The following DNAH9 variants were observed in gnomAD, a reference collection of about 807,000 sequenced individuals.
DNAH9 encodes dynein axonemal heavy chain 9, also known as DNAH9 variant protein.
A neutral mutation model predicts 471.6 loss-of-function variants in DNAH9; 345 were observed. The observed-to-expected ratio is 0.73, with a 90% CI of 0.67 to 0.80. DNAH9 has a LOEUF of 0.80. Among genes scored for constraint, DNAH9 ranks in the 30% least tolerant of loss-of-function variants. DNAH9 has a pLI of 0.00. For synonymous variants in DNAH9, 2,093 were observed against 2,123.6 expected (o/e 0.99, Z 0.40); for missense variants, 5,407 against 5,609.2 (o/e 0.96, Z 1.15).
At chr17:11,701,311 A>G (rs758067822) in intron 24 of DNAH9, 64 bp downstream of exon 24, 9 of 1,553,274 alleles carry the variant, frequency 5.8e-6, no homozygotes, top group Non-Finnish European at 7.9e-6. Flanking sequence ...AGCCTCCCCC[A>G]GCCTTCAGCA....
chr17:11,698,237 TATTATATAATATATTAATATATAATA>T (rs1241668261), intron 22 of DNAH9, among the ~76,000 whole-genome samples: 28 of 63,978 alleles, frequency 4.4e-4, no homozygotes, highest in Admixed American at 7.9e-4. Context: ...AATAGCAATA[TATTATATAATATATTAATATATAATA>T]ATTATATAAT....
chr17:11,699,118 A>G (rs569666244), intron 22 of DNAH9, among the ~76,000 whole-genome samples: 2 of 151,782 alleles, frequency 1.3e-5, no homozygotes, highest in South Asian at 2.1e-4. Context: ...GCATGGTGGC[A>G]CACACCTGTA....
chr17:11,749,896 A>T (rs1018495562), intron 32 of DNAH9, among the ~76,000 whole-genome samples: 1 of 152,142 alleles, frequency 6.6e-6, no homozygotes, highest in African/African-American at 2.4e-5. Context: ...AACATATTTT[A>T]ATATCCAATG....
chr17:11,660,323 T>A, intron 14 of DNAH9, among the ~76,000 whole-genome samples: 1 of 115,520 alleles, frequency 8.7e-6, no homozygotes, highest in African/African-American at 2.8e-5. Flanking sequence ...ATGTTTCTTT[T>A]TTTTTTTTTT....
intron 38 of DNAH9, among the ~76,000 whole-genome samples, chr17:11,773,477 A>C (rs1440473944): frequency 6.6e-6 from 1 of 152,224 alleles, no homozygotes; most frequent in East Asian, 1.9e-4. Flanking sequence ...CAGTATATAT[A>C]GCATGCTCCA....
intron 67 of DNAH9, among the ~76,000 whole-genome samples, chr17:11,952,972 C>A (rs1975446796): frequency 6.6e-6 from 1 of 152,130 alleles, no homozygotes. Flanking sequence ...TCTGTGTCCT[C>A]AAATGGCAGG....
intron 66 of DNAH9, among the ~76,000 whole-genome samples, chr17:11,941,603 G>T (rs1974909158): frequency 6.6e-6 from 1 of 152,102 alleles, no homozygotes; most frequent in African/African-American, 2.4e-5. Flanking sequence ...ACAACAGGAG[G>T]TTTACATGAT....
intron 67 of DNAH9, among the ~76,000 whole-genome samples, chr17:11,945,577 T>G (rs1319408320): frequency 2.0e-5 from 3 of 150,112 alleles, no homozygotes; most frequent in Non-Finnish European, 3.0e-5. Context: ...CTGGGACTGT[T>G]GGAGCTAAAC....
intron 44 of DNAH9, 21 bp from the exon 45 acceptor site, chr17:11,810,225 T>G (rs1373938172): frequency 6.3e-7 from 1 of 1,595,488 alleles, no homozygotes; most frequent in East Asian, 2.3e-5. Flanking sequence ...CAGAGATTTC[T>G]GATATTGACC....
chr17:11,875,081 T>G lies in DNAH9; in HGVS notation c.10375T>G (p.Cys3459Gly). ...GGAGAATGCCACCATTCTCATCAAC[T>G]GTGAGCGCTGGCCACTCATGGTTGA... ...SVENATILIN[C>G]ERWPLMVDPQ... is the part of the protein sequence containing the mutation. Residue 3459 changes from cysteine to glycine, a missense_variant, in exon 53 of 69, where the codon TGT (cysteine) becomes GGT (glycine). Physicochemically the swap from Cys to Gly is radical, Grantham distance 159. Coordinates refer to ENST00000262442, the MANE Select transcript of DNAH9 (RefSeq NM_001372.4). 1 of 1,614,146 alleles carries G rather than the reference T, an allele frequency of 6.2e-7. No individual in the cohort carries two copies. The highest frequency in any genetic ancestry group is 8.5e-7 in the Non-Finnish European group (1 of 1,180,030).
In DNAH9 at chr17:11,781,131, C is replaced by G. The variant is rs773349173; in HGVS notation, c.7675C>G (p.Gln2559Glu). 1.2e-5 allele frequency: 20 copies of G among 1,614,148 alleles called. No individual in the cohort carries two copies. Among genetic ancestry groups the G allele is most frequent in the Non-Finnish European group, 1.6e-5 (19 of 1,180,028 alleles). ...MPEVDAYGTV[Q>E]PHTIIRQHLD... is the part of the protein sequence containing the mutation. The stretch of plus-strand genomic sequence containing the variant: ...TGAGGTGGATGCCTACGGGACGGTG[C>G]AGCCCCACACCATCATCCGGCAGCA... Residue 2559 changes from glutamine to glutamate, a missense_variant, in exon 39 of 69, where the codon CAG becomes GAG. Gln to Glu is a conservative substitution (Grantham distance 29). This residue lies in a region of DNAH9 where 4,636 missense variants were observed against 4,900.3 expected (regional missense o/e 0.95). Coordinates refer to ENST00000262442, the MANE Select transcript of DNAH9 (RefSeq NM_001372.4).
In DNAH9 at chr17:11,771,790, A is replaced by ACT. The variant is rs1403955610; in HGVS notation, c.7552+2461_7552+2462insCT. ...CTGTTACAACTACACTACTACTACT[A>ACT]ATAATAATAATAATAGCAACAACAA... On this transcript the variant is annotated intron_variant, in intron 38 of 68. Transcript: ENST00000262442. Among the ~76,000 whole-genome samples the ACT allele has an allele frequency of 5.9e-4, 89 of 150,036 alleles. 1 individual carries two copies. Among genetic ancestry groups the ACT allele is most frequent in the Middle Eastern group, 6.8e-3 (2 of 292 alleles).
intron 43 of DNAH9, among the ~76,000 whole-genome samples, chr17:11,803,384 G>GTA (rs1245774368): frequency 7.2e-6 from 1 of 138,166 alleles, no homozygotes; most frequent in Non-Finnish European, 1.5e-5. Flanking sequence ...CTAGGGGTGT[G>GTA]TGTGTGTGTG....
chr17:11,835,022 C>A, intron 49 of DNAH9, 124 bp downstream of exon 49: 1 of 1,273,118 alleles, frequency 7.9e-7, no homozygotes, highest in Non-Finnish European at 1.1e-6. Flanking sequence ...CCAACTGTCA[C>A]TGATTTGCTC....
At chr17:11,807,987 C>A in intron 44 of DNAH9, 93 bp downstream of exon 44, 1 of 1,375,532 alleles carries the variant, frequency 7.3e-7, no homozygotes, top group Non-Finnish European at 9.9e-7. Context: ...GTTCCCCTGT[C>A]TGGAGCCTCC....
chr17:11,722,383 AGAAAG>A (rs2075074463), intron 27 of DNAH9, among the ~76,000 whole-genome samples: 1 of 152,232 alleles, frequency 6.6e-6, no homozygotes, highest in Admixed American at 6.5e-5. Flanking sequence ...AGACGAAATG[AGAAAG>A]GAAGAGACTG....
rs530179437 is a variant in DNAH9 at position 11,883,850 on chromosome 17, C to T, written c.10971+100C>T. The T allele has an allele frequency of 3.2e-5, 42 of 1,297,444 alleles. No homozygotes were observed. The African/African-American group carries it at 6.1e-4, about 19-fold the overall frequency. 80.4% of individuals were successfully genotyped at this position (1,297,444 alleles called of 1,614,324 possible). On this transcript the variant is annotated intron_variant, in intron 56 of 68. Transcript: ENST00000262442. ...ATGAGTCTGACTTTTAGAAAAATGT[C>T]AAAGTAACACATGGCTTTTCTGTCT...
intron 59 of DNAH9, among the ~76,000 whole-genome samples, chr17:11,902,172 A>G (rs2151012658): frequency 6.6e-6 from 1 of 152,358 alleles, no homozygotes; most frequent in East Asian, 1.9e-4. Context: ...CTTACTGGAC[A>G]GATTGAAGAG....
rs1307830953 is a variant in DNAH9, at chr17:11,854,338, T to G, written c.9843T>G (p.Asp3281Glu). The G allele has an allele frequency of 6.2e-7, 1 of 1,614,142 alleles. No homozygotes were observed. Among genetic ancestry groups the G allele is most frequent in the South Asian group, 1.1e-5 (1 of 91,078 alleles). ...NIVRFYEVFCDVEPKRQALNK... is the reference protein window; with the variant it reads ...NIVRFYEVFCEVEPKRQALNK... ...TGAGATTTTATGAGGTGTTCTGTGA[T>G]GTGGAACCCAAGCGCCAGGCACTGA... The change falls in exon 50 of 69, where the codon GAT (aspartate) becomes GAG (glutamate). Residue 3281 changes from aspartate (D) to glutamate (E), a missense_variant. Transcript: ENST00000262442.
Sources: gnomAD v4.1 joint callset for allele counts (sites outside exome capture counted in the v4.1 genomes callset) on GRCh38, gnomAD v4.1.1 for gene constraint, gnomAD v4.1.1 regional missense constraint, MANE v1.5 for transcripts, NCBI Gene and HGNC (gene_info 2026-07-23, HGNC 2026-07-21) for gene names.